The following ASXL3 variants were observed in gnomAD, a reference collection of about 807,000 sequenced individuals.
ASXL3 encodes the protein ASXL transcriptional regulator 3.
A neutral mutation model predicts 170.6 loss-of-function variants in ASXL3; 34 were observed. The observed-to-expected ratio is 0.20, with a 90% CI of 0.15 to 0.27. The LOEUF (loss-of-function observed/expected upper bound fraction) is 0.27, where lower values mean the gene tolerates loss of function less well. Ranked by LOEUF, ASXL3 falls within the 10% of genes least tolerant of loss-of-function variation. ASXL3 has a pLI of 1.00. For missense variants in ASXL3, 2,592 were observed against 2,695.3 expected (o/e 0.96, Z 0.85); for synonymous variants, 1,002 against 989.1 (o/e 1.01, Z -0.24).
intron 4 of ASXL3, among the ~76,000 whole-genome samples, chr18:33,651,815 T>C (rs17554098): frequency 0.017 from 2,525 of 152,232 alleles, 40 homozygotes; most frequent in Non-Finnish European, 0.028. Context: ...TTAGTCCTCT[T>C]CTTGGGATCA....
chr18:33,604,045 A>G (rs1189776176), intron 1 of ASXL3, among the ~76,000 whole-genome samples: 1 of 152,050 alleles, frequency 6.6e-6, no homozygotes. Context: ...TGAATTGTAA[A>G]GTGCTCAGAT....
chr18:33,726,212 A>G (rs1021373839), intron 8 of ASXL3, among the ~76,000 whole-genome samples: 6 of 152,176 alleles, frequency 3.9e-5, no homozygotes, highest in African/African-American at 1.2e-4. Flanking sequence ...GCCCTCTTTC[A>G]TACCACACAT....
Position 33,745,924 on chromosome 18 carries a change from C to G in ASXL3, c.6076C>G (p.Pro2026Ala). 6.4e-7 allele frequency: 1 copy of G among 1,569,466 alleles called. No individual in the cohort carries two copies. Among genetic ancestry groups the G allele is most frequent in the Non-Finnish European group, 8.6e-7 (1 of 1,160,806 alleles). ...HPPPPPPPPPPPPLALPPPPP... is the reference protein window; with the variant it reads ...HPPPPPPPPPAPPLALPPPPP... The stretch of plus-strand genomic sequence containing the variant: ...GCCGCCGCCACCGCCTCCCCCTCCC[C>G]CTCCACCCTTGGCTTTGCCCCCGCC... Residue 2026 changes from proline to alanine, a missense_variant, in exon 12 of 12, where the codon CCT becomes GCT. Around this residue, in one of 4 missense-constraint regions of ASXL3, gnomAD observed 2,246 missense variants for 2,219.6 expected, o/e 1.01. Transcript: ENST00000269197.
chr18:33,722,282 G>A (rs1246590514), intron 8 of ASXL3, among the ~76,000 whole-genome samples: 1 of 152,096 alleles, frequency 6.6e-6, no homozygotes, highest in South Asian at 2.1e-4. Context: ...AATGAGGAAG[G>A]CATGTTGAAA....
At chr18:33,629,867 T>C (rs925024355) in intron 2 of ASXL3, among the ~76,000 whole-genome samples, 2 of 152,060 alleles carry the variant, frequency 1.3e-5, no homozygotes, top group African/African-American at 2.4e-5. Context: ...ATGTATAATT[T>C]TATAAATTTT....
chr18:33,610,528 T>C (rs906325060), intron 2 of ASXL3, among the ~76,000 whole-genome samples: 1 of 152,054 alleles, frequency 6.6e-6, no homozygotes, highest in Non-Finnish European at 1.5e-5. Flanking sequence ...TCAAGTGCTA[T>C]CGGGGTCCTT....
At chr18:33,630,430 A>G (rs754277620) in intron 2 of ASXL3, among the ~76,000 whole-genome samples, 4 of 151,628 alleles carry the variant, frequency 2.6e-5, no homozygotes, top group Non-Finnish European at 5.9e-5. Context: ...GTATGTTTAT[A>G]TGGTAGCACT....
chr18:33,604,911 A>ATT (rs1360013162), intron 1 of ASXL3, among the ~76,000 whole-genome samples: 1 of 152,026 alleles, frequency 6.6e-6, no homozygotes, highest in African/African-American at 2.4e-5. Flanking sequence ...GAGGGGGCAG[A>ATT]TGTTAATATT....
At chr18:33,676,068 C>T (rs183506008) in intron 7 of ASXL3, among the ~76,000 whole-genome samples, 5 of 151,062 alleles carry the variant, frequency 3.3e-5, no homozygotes, top group Admixed American at 2.0e-4. Flanking sequence ...ACTAAAACTA[C>T]AAAAAATTAG....
At chr18:33,736,718 A>G (rs2067554355) in intron 10 of ASXL3, among the ~76,000 whole-genome samples, 1 of 152,140 alleles carries the variant, frequency 6.6e-6, no homozygotes, top group East Asian at 1.9e-4. Context: ...ATAAATGCCA[A>G]GTATTACAGG....
chr18:33,743,187 G>A lies in ASXL3; in HGVS notation c.3339G>A (p.Lys1113=). 1 of 1,613,968 alleles carries A rather than the reference G, an allele frequency of 6.2e-7. No individual in the cohort carries two copies. Among genetic ancestry groups the A allele is most frequent in the South Asian group, 1.1e-5 (1 of 91,086 alleles). The part of the protein sequence containing the change: ...KEQTKAKLFA[K]HQARAHLFQT... ...AGACAAAGGCTAAGCTCTTTGCAAA[G>A]CATCAAGCTCGAGCCCATCTCTTCC... Residue 1113 remains lysine (K), a synonymous_variant, in exon 12 of 12, where the codon AAG becomes AAA. Coordinates refer to ENST00000269197, the MANE Select transcript of ASXL3 (RefSeq NM_030632.3).
chr18:33,639,478 G>T (rs931459155), intron 2 of ASXL3, among the ~76,000 whole-genome samples: 7 of 152,082 alleles, frequency 4.6e-5, no homozygotes, highest in African/African-American at 1.7e-4. Context: ...TGTGTGGCAT[G>T]TTCTTTACTA....
rs971151773 is a variant in ASXL3 at position 33,750,967 on chromosome 18, T to A, written c.*4372T>A. On this transcript the variant is annotated 3_prime_UTR_variant, in exon 12 of 12. Coordinates refer to ENST00000269197, the MANE Select transcript of ASXL3 (RefSeq NM_030632.3). ...TTAAGAAAATTTTTAGACAGTGTTT[T>A]GTTTAGAATTCAGGGATCATGCATT... The A allele has an allele frequency of 6.6e-6, 1 of 152,218 alleles. No individual in the cohort carries two copies. Among genetic ancestry groups the A allele is most frequent in the Non-Finnish European group, 1.5e-5 (1 of 68,030 alleles). 9.4% of individuals were successfully genotyped at this position (152,218 alleles called of 1,614,324 possible). A position where few individuals can be genotyped will look rare whatever the true frequency, so the allele number is the denominator to read the frequency against.
At chr18:33,742,224 T>C (rs1008224786) in intron 11 of ASXL3, among the ~76,000 whole-genome samples, 1 of 152,152 alleles carries the variant, frequency 6.6e-6, no homozygotes, top group East Asian at 1.9e-4. Flanking sequence ...TTGAAGGAAA[T>C]AGATCAGAAA....
At chr18:33,583,861 A>T (rs1001119599) in intron 1 of ASXL3, among the ~76,000 whole-genome samples, 2 of 152,176 alleles carry the variant, frequency 1.3e-5, no homozygotes, top group Non-Finnish European at 2.9e-5. Context: ...ATGCACTGGA[A>T]AAGTGAAATA....
intron 2 of ASXL3, among the ~76,000 whole-genome samples, chr18:33,628,438 A>C (rs1451662247): frequency 1.3e-5 from 2 of 152,150 alleles, no homozygotes; most frequent in African/African-American, 4.8e-5. Flanking sequence ...TTGATTTTGA[A>C]AATTTCCAGA....
chr18:33,598,372 G>A (rs2065150196), intron 1 of ASXL3, among the ~76,000 whole-genome samples: 2 of 152,108 alleles, frequency 1.3e-5, no homozygotes, highest in East Asian at 1.9e-4. Flanking sequence ...TCCCATGTTT[G>A]CTTTTACTTA....
rs150610354 is a variant in ASXL3, at chr18:33,615,484, A to G, written c.137+7808A>G. Among the ~76,000 whole-genome samples, 9 of 152,296 alleles carry G rather than the reference A, an allele frequency of 5.9e-5. No individual in the cohort carries two copies. The East Asian group carries it at 1.7e-3, about 29-fold the overall frequency. On this transcript the variant is annotated intron_variant, in intron 2 of 11. Coordinates refer to ENST00000269197, the MANE Select transcript of ASXL3 (RefSeq NM_030632.3). ...TGATAATAATGACAAAGTTTCAAATATTGTGAATTACCAAACTATGACACA... is the reference window on the plus strand; with the variant it reads ...TGATAATAATGACAAAGTTTCAAATGTTGTGAATTACCAAACTATGACACA...
chr18:33,678,668 G>A (rs545037948), intron 7 of ASXL3, among the ~76,000 whole-genome samples: 1 of 152,256 alleles, frequency 6.6e-6, no homozygotes, highest in South Asian at 2.1e-4. Flanking sequence ...GACCCTCTAG[G>A]CTAAGTGGGA....
Sources: gnomAD v4.1 joint callset for allele counts (sites outside exome capture counted in the v4.1 genomes callset) on GRCh38, gnomAD v4.1.1 for gene constraint, gnomAD v4.1.1 regional missense constraint, MANE v1.5 for transcripts, NCBI Gene and HGNC (gene_info 2026-07-23, HGNC 2026-07-21) for gene names.